Variants in MAP4K3 observed in about 807,000 individuals in gnomAD.
MAP4K3 encodes MAPK/ERK kinase kinase kinase 3.
Under a neutral mutation model 143.5 loss-of-function variants are expected in MAP4K3, and 94 were observed. That is an observed-to-expected ratio of 0.65 (90% CI 0.55 to 0.78). MAP4K3 has a LOEUF of 0.78. Among genes scored for constraint, MAP4K3 ranks in the 30% least tolerant of loss-of-function variants. The pLI is 0.00. For synonymous variants in MAP4K3, 416 were observed against 347.2 expected (o/e 1.20, Z -2.20); for missense variants, 1,077 against 1,068.1 (o/e 1.01, Z -0.12).
At position 39,288,125 on chromosome 2, in the gene MAP4K3, G is replaced by T. The variant is rs1266153434; in HGVS notation, c.1470C>A (p.Ala490=). 6.2e-7 allele frequency: 1 copy of T among 1,613,922 alleles called. No homozygotes were observed. The highest frequency in any genetic ancestry group is 1.1e-5 in the South Asian group (1 of 91,032). Residue 490 remains alanine, a synonymous_variant, in exon 20 of 34, where the codon GCC becomes GCA. Coordinates refer to ENST00000263881, the MANE Select transcript of MAP4K3 (RefSeq NM_003618.4). ...PPRLPPHKPV[A]LGNGMSSFQL... is the part of the protein sequence containing the mutation. ...GCTGTCACCCTCCACCATTACCTAA[G>T]GCAACAGGTTTGTGTGGGGGTAATC...
In MAP4K3 at chr2:39,309,516, C is replaced by T. The variant is rs1232810573; in HGVS notation, c.1001G>A (p.Gly334Asp). 1 of 1,511,800 alleles carries T rather than the reference C, an allele frequency of 6.6e-7. No individual in the cohort carries two copies. The highest frequency in any genetic ancestry group is 1.2e-5 in the South Asian group (1 of 83,360). The allele number at this position is 1,511,800 out of a possible 1,614,324, so 93.6% of individuals were successfully genotyped here. A position where few individuals can be genotyped will look rare whatever the true frequency, so the allele number is the denominator to read the frequency against. Reference sequence around the variant, plus strand: ...TAAGGGTGGATCAAATTTCACTTGGCCAACTAAAAAAGAAAAAAAAGTAAA... The same window carrying T: ...TAAGGGTGGATCAAATTTCACTTGGTCAACTAAAAAAGAAAAAAAAGTAAA... ...EEKTRSEITF[G>D]QVKFDPPLRK... The change falls in exon 14 of 34, where the codon GGC becomes GAC. Residue 334 changes from glycine to aspartate, a missense_variant. Around this residue, in one of 2 missense-constraint regions of MAP4K3, gnomAD observed 864 missense variants for 801.2 expected, o/e 1.08. Transcript: ENST00000263881.
At chr2:39,299,444 T>A (rs1682419477) in intron 16 of MAP4K3, among the ~76,000 whole-genome samples, 2 of 152,172 alleles carry the variant, frequency 1.3e-5, no homozygotes, top group South Asian at 2.1e-4. Flanking sequence ...AATAAACAGA[T>A]CAGTTTTAGA....
chr2:39,367,390 A>G (rs892004864), intron 2 of MAP4K3, among the ~76,000 whole-genome samples: 2 of 152,092 alleles, frequency 1.3e-5, no homozygotes, highest in Non-Finnish European at 2.9e-5. Context: ...AAAATTAAAA[A>G]TAAGCTGGGT....
intron 24 of MAP4K3, among the ~76,000 whole-genome samples, chr2:39,273,346 G>A (rs1681114041): frequency 1.3e-5 from 2 of 152,156 alleles, no homozygotes. Flanking sequence ...AGTTCTGAAG[G>A]AGGACCCAGG....
Position 39,337,470 on chromosome 2 carries a change from T to C in MAP4K3, c.366+56A>G, listed in dbSNP as rs577581810. ...ACTTTGCTGAACAGGTAATGCACAG[T>C]AAGTAAAGCCTTAGTTTAATGAAAA... On this transcript the variant is annotated intron_variant, in intron 5 of 33. Coordinates refer to ENST00000263881, the MANE Select transcript of MAP4K3 (RefSeq NM_003618.4). 81 of 1,295,366 alleles carry C rather than the reference T, an allele frequency of 6.3e-5. No individual in the cohort carries two copies. In the African/African-American group the frequency reaches 1.0e-3, roughly 17 times the overall value. 80.2% of individuals were successfully genotyped at this position (1,295,366 alleles called of 1,614,324 possible).
At chr2:39,315,622 A>C (rs1327788775) in intron 12 of MAP4K3, 2 of 458,932 alleles carry the variant, frequency 4.4e-6, no homozygotes, top group African/African-American at 4.0e-5. Context: ...TAGAAAGGGC[A>C]CTTCTTTGGC....
At chr2:39,390,104 A>G (rs1666612157) in intron 1 of MAP4K3, among the ~76,000 whole-genome samples, 1 of 152,190 alleles carries the variant, frequency 6.6e-6, no homozygotes, top group African/African-American at 2.4e-5. Flanking sequence ...GTGATTCTTA[A>G]TTGAGGATAC....
intron 16 of MAP4K3, among the ~76,000 whole-genome samples, chr2:39,295,905 G>C (rs947498011): frequency 6.6e-6 from 1 of 152,014 alleles, no homozygotes; most frequent in Non-Finnish European, 1.5e-5. Context: ...TTTCAGTAAA[G>C]ACTGAGTCTC....
intron 1 of MAP4K3, among the ~76,000 whole-genome samples, chr2:39,389,887 T>C (rs902164613): frequency 1.3e-5 from 2 of 152,134 alleles, no homozygotes; most frequent in East Asian, 1.9e-4. Flanking sequence ...AAAACAATAA[T>C]GTCTATGCAA....
chr2:39,414,657 C>T (rs190414044), intron 1 of MAP4K3, among the ~76,000 whole-genome samples: 5 of 152,230 alleles, frequency 3.3e-5, no homozygotes, highest in African/African-American at 1.2e-4. Flanking sequence ...GGGCGGATCA[C>T]GACATCAGGA....
At chr2:39,359,226 C>T (rs1431704783) in intron 2 of MAP4K3, among the ~76,000 whole-genome samples, 2 of 152,036 alleles carry the variant, frequency 1.3e-5, no homozygotes, top group Non-Finnish European at 2.9e-5. Flanking sequence ...GTCTGAAATC[C>T]AACAGGATAG....
At chr2:39,426,594 A>G (rs562631139) in intron 1 of MAP4K3, among the ~76,000 whole-genome samples, 28 of 152,090 alleles carry the variant, frequency 1.8e-4, no homozygotes, top group Non-Finnish European at 3.2e-4. Context: ...GTATATATAC[A>G]GAGAATAAAT....
chr2:39,414,338 A>G (rs1346418306), intron 1 of MAP4K3, among the ~76,000 whole-genome samples: 1 of 152,236 alleles, frequency 6.6e-6, no homozygotes, highest in Non-Finnish European at 1.5e-5. Context: ...TGGAGTTTAC[A>G]TTAAAATCTT....
intron 1 of MAP4K3, among the ~76,000 whole-genome samples, chr2:39,417,948 ATC>A (rs1290294169): frequency 6.6e-6 from 1 of 152,194 alleles, no homozygotes; most frequent in Non-Finnish European, 1.5e-5. Context: ...CACACCTGTA[ATC>A]TGAGCACTTT....
At chr2:39,374,036 A>G (rs2148575910) in intron 2 of MAP4K3, among the ~76,000 whole-genome samples, 1 of 152,332 alleles carries the variant, frequency 6.6e-6, no homozygotes, top group South Asian at 2.1e-4. Flanking sequence ...ATTATTATGC[A>G]TTGCGTGTCT....
chr2:39,287,135 T>G (rs1681820203), intron 20 of MAP4K3, among the ~76,000 whole-genome samples, 171 bp from the exon 21 acceptor site: 1 of 152,240 alleles, frequency 6.6e-6, no homozygotes, highest in African/African-American at 2.4e-5. Context: ...ATATATATGT[T>G]CTTCTATTTA....
chr2:39,290,589 T>A (rs186808396), intron 18 of MAP4K3, among the ~76,000 whole-genome samples: 1 of 151,994 alleles, frequency 6.6e-6, no homozygotes. Flanking sequence ...CTTACTCATG[T>A]GGAAGCTAAA....
intron 29 of MAP4K3, 43 bp downstream of exon 29, chr2:39,260,563 C>G: frequency 3.3e-6 from 5 of 1,528,932 alleles, no homozygotes; most frequent in Non-Finnish European, 4.5e-6. Context: ...CTTATAAAAC[C>G]AGTATATGTA....
chr2:39,370,595 T>C (rs1386132447), intron 2 of MAP4K3, among the ~76,000 whole-genome samples: 1 of 152,184 alleles, frequency 6.6e-6, no homozygotes, highest in East Asian at 1.9e-4. Context: ...TATTGGTACT[T>C]TTTTGCACTT....
Sources: allele counts gnomAD v4.1 joint callset (sites outside exome capture counted in the v4.1 genomes callset), GRCh38; gene constraint gnomAD v4.1.1; regional missense constraint gnomAD v4.1.1; transcripts MANE v1.5; gene names NCBI Gene and HGNC (gene_info 2026-07-23, HGNC 2026-07-21).